The following TRPC1 variants were observed in gnomAD, a reference collection of about 807,000 sequenced individuals.
The protein encoded by TRPC1 is short transient receptor potential channel 1.
Under a neutral mutation model 88.2 loss-of-function variants are expected in TRPC1, and 42 were observed. The ratio of observed to expected loss-of-function variants is 0.48; its 90% CI spans 0.37 to 0.62. The LOEUF is 0.62. Ranked by LOEUF, TRPC1 falls within the 20% of genes least tolerant of loss-of-function variation. The pLI is 0.00. For missense variants in TRPC1, 699 were observed against 957.3 expected, an observed-to-expected ratio of 0.73 and a Z score of 3.56; for synonymous variants, 288 against 331.8, an observed-to-expected ratio of 0.87 and a Z score of 1.43.
intron 9 of TRPC1, among the ~76,000 whole-genome samples, chr3:142,799,355 T>A (rs914094312): frequency 4.2e-4 from 64 of 152,304 alleles, no homozygotes; most frequent in African/African-American, 1.4e-3. Flanking sequence ...TACAAATACA[T>A]AAACCTTATA....
chr3:142,746,869 C>A (rs1039905031), intron 3 of TRPC1, among the ~76,000 whole-genome samples: 5 of 150,342 alleles, frequency 3.3e-5, no homozygotes, highest in African/African-American at 4.9e-5. Context: ...AAAAAAAAAA[C>A]TGGTCATGGC....
At chr3:142,783,100 G>A (rs188642821) in intron 6 of TRPC1, among the ~76,000 whole-genome samples, 12 of 152,280 alleles carry the variant, frequency 7.9e-5, no homozygotes, top group East Asian at 3.9e-4. Context: ...GGAAGAAAGC[G>A]TGTCCATCTT....
At chr3:142,737,615 A>G (rs959854898) in intron 2 of TRPC1, among the ~76,000 whole-genome samples, 10 of 152,098 alleles carry the variant, frequency 6.6e-5, no homozygotes. Flanking sequence ...TCTAATCCAT[A>G]GAGAATCTGA....
chr3:142,805,647 G>T (rs1936771686), intron 12 of TRPC1, among the ~76,000 whole-genome samples: 1 of 152,102 alleles, frequency 6.6e-6, no homozygotes, highest in African/African-American at 2.4e-5. Flanking sequence ...TTTAAAATTA[G>T]TGTTATTATC....
At chr3:142,771,725 T>C (rs893582935) in intron 4 of TRPC1, among the ~76,000 whole-genome samples, 1 of 152,188 alleles carries the variant, frequency 6.6e-6, no homozygotes, top group Admixed American at 6.5e-5. Context: ...AATAGAAATA[T>C]ATTACATTTC....
chr3:142,762,113 G>A (rs572299477), intron 4 of TRPC1, among the ~76,000 whole-genome samples: 5 of 152,040 alleles, frequency 3.3e-5, no homozygotes, highest in East Asian at 1.9e-4. Context: ...ACAGCTCACC[G>A]CAGCCTTGAC....
intron 4 of TRPC1, among the ~76,000 whole-genome samples, chr3:142,758,989 T>TA (rs1469582152): frequency 6.6e-6 from 1 of 152,116 alleles, no homozygotes; most frequent in Non-Finnish European, 1.5e-5. Context: ...TCCATGTCCC[T>TA]ACAAAGGACA....
In TRPC1 at chr3:142,784,719, A is replaced by T. The variant is rs1936077123; in HGVS notation, c.976A>T (p.Asn326Tyr). Reference sequence around the variant, plus strand: ...TCCTTTTCAGTTTGTCTCCCAGTCTAACTGCCAGCAGTTCCTGAACACTGT... The same window carrying T: ...TCCTTTTCAGTTTGTCTCCCAGTCTTACTGCCAGCAGTTCCTGAACACTGT... ...YNQKEFVSQS[N>Y]CQQFLNTVWF... The change falls in exon 7 of 13, where the codon AAC becomes TAC. Residue 326 changes from asparagine to tyrosine, a missense_variant. Asn to Tyr is a moderately radical substitution (Grantham distance 143). Transcript: ENST00000476941. 1 of 1,611,300 alleles carries T rather than the reference A, an allele frequency of 6.2e-7. No homozygotes were observed. Among genetic ancestry groups the T allele is most frequent in the South Asian group, 1.1e-5 (1 of 90,656 alleles).
At chr3:142,743,425 A>G (rs991237476) in intron 2 of TRPC1, 60 bp from the exon 3 acceptor site, 2 of 1,243,134 alleles carry the variant, frequency 1.6e-6, no homozygotes, top group East Asian at 2.6e-5. Flanking sequence ...GAATTAGTAA[A>G]AAGAAGTAGT....
At chr3:142,783,191 T>C (rs1936018470) in intron 6 of TRPC1, among the ~76,000 whole-genome samples, 1 of 152,172 alleles carries the variant, frequency 6.6e-6, no homozygotes, top group African/African-American at 2.4e-5. Flanking sequence ...AAATTGTCAT[T>C]GTATAGAGGG....
At chr3:142,737,334 A>ATATG (rs371372307) in intron 2 of TRPC1, among the ~76,000 whole-genome samples, 4,570 of 147,362 alleles carry the variant, frequency 0.031, 241 homozygotes, top group African/African-American at 0.11. Context: ...TTATATATAT[A>ATATG]TATGTATGTA....
intron 7 of TRPC1, among the ~76,000 whole-genome samples, chr3:142,790,154 G>C (rs1429462255): frequency 6.6e-6 from 1 of 152,036 alleles, no homozygotes; most frequent in African/African-American, 2.4e-5. Flanking sequence ...TGGATCTCTG[G>C]GTGAGGAGGG....
intron 4 of TRPC1, among the ~76,000 whole-genome samples, chr3:142,766,293 C>T (rs776875330): frequency 6.6e-6 from 1 of 152,020 alleles, no homozygotes; most frequent in Non-Finnish European, 1.5e-5. Context: ...CAGACCCACC[C>T]TTAATCTGGG....
intron 4 of TRPC1, among the ~76,000 whole-genome samples, chr3:142,771,201 T>A (rs1429331363): frequency 2.0e-5 from 3 of 152,210 alleles, no homozygotes; most frequent in Non-Finnish European, 2.9e-5. Flanking sequence ...ACATGAGGTT[T>A]GGAGGGAACA....
At chr3:142,742,312 C>T (rs1201173824) in intron 2 of TRPC1, among the ~76,000 whole-genome samples, 1 of 152,058 alleles carries the variant, frequency 6.6e-6, no homozygotes, top group Non-Finnish European at 1.5e-5. Context: ...GACTTTAAAG[C>T]ATAGGCCACA....
chr3:142,758,564 T>G (rs188798030), intron 4 of TRPC1, among the ~76,000 whole-genome samples: 5 of 152,358 alleles, frequency 3.3e-5, no homozygotes, highest in African/African-American at 1.2e-4. Context: ...ATGGATAGTT[T>G]GCAAATATAG....
intron 4 of TRPC1, among the ~76,000 whole-genome samples, chr3:142,750,557 A>G (rs1480156091): frequency 6.6e-6 from 1 of 152,238 alleles, no homozygotes; most frequent in Non-Finnish European, 1.5e-5. Flanking sequence ...CAACAATCCC[A>G]TTACTGGATA....
intron 5 of TRPC1, among the ~76,000 whole-genome samples, chr3:142,779,019 GT>G (rs768905630): frequency 3.3e-5 from 5 of 152,068 alleles, no homozygotes; most frequent in Non-Finnish European, 7.4e-5. Flanking sequence ...AAATTATTCT[GT>G]TTAAATATGA....
chr3:142,787,961 G>A (rs186233638), intron 7 of TRPC1, among the ~76,000 whole-genome samples: 1 of 152,286 alleles, frequency 6.6e-6, no homozygotes, highest in Admixed American at 6.5e-5. Flanking sequence ...GCAAGAGAGA[G>A]AATGGTACAA....
Sources: gnomAD v4.1 joint callset for allele counts (sites outside exome capture counted in the v4.1 genomes callset) on GRCh38, gnomAD v4.1.1 for gene constraint, MANE v1.5 for transcripts, NCBI Gene and HGNC (gene_info 2026-07-23, HGNC 2026-07-21) for gene names.